The following CD58 variants were observed in gnomAD, a reference collection of about 807,000 sequenced individuals.
The protein encoded by CD58 is CD58 molecule.
CD58 carries 14 observed loss-of-function variants against 27.6 expected under a neutral mutation model. The ratio of observed to expected loss-of-function variants is 0.51; its 90% CI spans 0.34 to 0.79. The LOEUF (loss-of-function observed/expected upper bound fraction) is 0.79, where lower values mean the gene tolerates loss of function less well. Among genes scored for constraint, CD58 ranks in the 30% least tolerant of loss-of-function variants. The pLI is 0.02. For synonymous variants in CD58, 117 were observed against 103.8 expected (o/e 1.13, Z -0.77); for missense variants, 268 against 301.7 (o/e 0.89, Z 0.83).
At chr1:116,544,732 G>T in intron 1 of CD58, 128 bp from the exon 2 acceptor site, 1 of 645,768 alleles carries the variant, frequency 1.5e-6, no homozygotes. Context: ...GAACATGTTT[G>T]ACCATGTGGA....
intron 1 of CD58, among the ~76,000 whole-genome samples, chr1:116,548,473 T>C (rs1015119146): frequency 1.3e-5 from 2 of 152,242 alleles, no homozygotes; most frequent in African/African-American, 4.8e-5. Flanking sequence ...TTGATTTTTA[T>C]ATAAGGTGAA....
chr1:116,561,861 C>A (rs1658767882), intron 1 of CD58, among the ~76,000 whole-genome samples: 1 of 152,112 alleles, frequency 6.6e-6, no homozygotes, highest in Non-Finnish European at 1.5e-5. Flanking sequence ...ATCAGTGTGA[C>A]AATTAAATAA....
In CD58 at chr1:116,559,613, G is replaced by A. The variant is rs777251522; in HGVS notation, c.70+11290C>T. Among the ~76,000 whole-genome samples the A allele has an allele frequency of 1.3e-5, 2 of 152,086 alleles. No homozygotes were observed. The highest frequency in any genetic ancestry group is 2.4e-5 in the African/African-American group (1 of 41,402). ...CCCTCATCTACTTCATACTGAAACT[G>A]CAGCCACCTGTCTCCCAACGGTTAC... On this transcript the variant is annotated intron_variant, in intron 1 of 5. Coordinates refer to ENST00000369489, the MANE Select transcript of CD58 (RefSeq NM_001779.3). The surrounding 1 kb of genome is among the most constrained non-coding windows in gnomAD (Gnocchi z 4.4).
intron 1 of CD58, among the ~76,000 whole-genome samples, chr1:116,553,589 A>G (rs1658462618): frequency 6.6e-6 from 1 of 152,208 alleles, no homozygotes; most frequent in Non-Finnish European, 1.5e-5. Context: ...GAAAGGAAAC[A>G]CAGCAGGAAG....
chr1:116,543,144 G>A (rs1344980825), intron 2 of CD58, among the ~76,000 whole-genome samples: 2 of 152,180 alleles, frequency 1.3e-5, no homozygotes, highest in Non-Finnish European at 2.9e-5. Flanking sequence ...CTGGCCATGC[G>A]AGTATGACAA....
rs1389486176 is a variant in CD58 at position 116,515,061 on chromosome 1, G to T, written c.744-239C>A. 1.3e-5 allele frequency among the ~76,000 whole-genome samples: 2 copies of T among 152,168 alleles called. No individual in the cohort carries two copies. The highest frequency in any genetic ancestry group is 3.8e-4 in the East Asian group (2 of 5,202). On this transcript the variant is annotated intron_variant, in intron 5 of 5. Coordinates refer to ENST00000369489, the MANE Select transcript of CD58 (RefSeq NM_001779.3). The surrounding 1 kb of genome is among the most constrained non-coding windows in gnomAD (Gnocchi z 4.6). ...TGCTGCACTCAATAGCAGCCCCAAGGCTCCTCCCGCTTACTCTCTGAGTAT... is the reference window on the plus strand; with the variant it reads ...TGCTGCACTCAATAGCAGCCCCAAGTCTCCTCCCGCTTACTCTCTGAGTAT...
At chr1:116,564,596 T>C (rs1658870855) in intron 1 of CD58, among the ~76,000 whole-genome samples, 1 of 152,214 alleles carries the variant, frequency 6.6e-6, no homozygotes, top group African/African-American at 2.4e-5. Flanking sequence ...AGGCACATCT[T>C]ACATGGCAGT....
intron 1 of CD58, among the ~76,000 whole-genome samples, chr1:116,568,019 C>A (rs1435707005): frequency 6.8e-6 from 1 of 147,344 alleles, no homozygotes; most frequent in Non-Finnish European, 1.5e-5. Flanking sequence ...AAGCAACTAG[C>A]CCAGACACTT....
In CD58 at chr1:116,563,925, T is replaced by C. The variant is rs1477364165; in HGVS notation, c.70+6978A>G. 1.3e-5 allele frequency among the ~76,000 whole-genome samples: 2 copies of C among 152,232 alleles called. No homozygotes were observed. The highest frequency in any genetic ancestry group is 2.9e-5 in the Non-Finnish European group (2 of 68,036). On this transcript the variant is annotated intron_variant, in intron 1 of 5. Transcript: ENST00000369489. This position sits in a 1 kb window ranked among gnomAD's most constrained non-coding sequence, Gnocchi z 4.1. ...TGCAAATTTCTGCAGCTGGCTTGAATTTTTCCTCAGAAAAGGGGTTTTTCT... is the reference window on the plus strand; with the variant it reads ...TGCAAATTTCTGCAGCTGGCTTGAACTTTTCCTCAGAAAAGGGGTTTTTCT...
At chr1:116,553,908 G>A (rs745574589) in intron 1 of CD58, among the ~76,000 whole-genome samples, 45 of 152,266 alleles carry the variant, frequency 3.0e-4, no homozygotes, top group Middle Eastern at 6.8e-3. Flanking sequence ...AGGCCAGGAG[G>A]GGGATGGCAT....
At chr1:116,533,055 C>A in intron 3 of CD58, 1 of 729,852 alleles carries the variant, frequency 1.4e-6, no homozygotes, top group Middle Eastern at 2.4e-4. Flanking sequence ...TCACCTTCGT[C>A]AAAATTGTCA....
chr1:116,549,485 T>G (rs757762295), intron 1 of CD58, among the ~76,000 whole-genome samples: 1 of 152,162 alleles, frequency 6.6e-6, no homozygotes, highest in Non-Finnish European at 1.5e-5. Context: ...AGCCAGCCCT[T>G]GCAAGGCATC....
chr1:116,524,676 G>T lies in CD58; in HGVS notation c.629-2693C>A, dbSNP rs916165809. Among the ~76,000 whole-genome samples, 1 of 152,188 alleles carries T rather than the reference G, an allele frequency of 6.6e-6. No individual in the cohort carries two copies. Among genetic ancestry groups the T allele is most frequent in the Non-Finnish European group, 1.5e-5 (1 of 68,032 alleles). Reference sequence around the variant, plus strand: ...ATAACAACAATATAAATATTCATTTGCATTTTCCTGCAATACATACTCAAC... The same window carrying T: ...ATAACAACAATATAAATATTCATTTTCATTTTCCTGCAATACATACTCAAC... On this transcript the variant is annotated intron_variant, in intron 3 of 5. Coordinates refer to ENST00000369489, the MANE Select transcript of CD58 (RefSeq NM_001779.3). This position sits in a 1 kb window ranked among gnomAD's most constrained non-coding sequence, Gnocchi z 4.6.
At chr1:116,533,261 A>G (rs1055870606) in intron 3 of CD58, 11 of 1,019,456 alleles carry the variant, frequency 1.1e-5, no homozygotes, top group Non-Finnish European at 1.5e-5. Context: ...TTGTTCTAAC[A>G]GTGCCTGGAC....
intron 2 of CD58, among the ~76,000 whole-genome samples, chr1:116,537,659 C>A (rs1557837053): frequency 6.6e-6 from 1 of 152,238 alleles, no homozygotes; most frequent in Non-Finnish European, 1.5e-5. Context: ...AAGACACTAA[C>A]ATGTCACATT....
Position 116,522,361 on chromosome 1 carries a change from G to A in CD58, c.629-378C>T, listed in dbSNP as rs1196229444. On this transcript the variant is annotated intron_variant, in intron 3 of 5. Coordinates refer to ENST00000369489, the MANE Select transcript of CD58 (RefSeq NM_001779.3). This position sits in a 1 kb window ranked among gnomAD's most constrained non-coding sequence, Gnocchi z 4.6. ...GAAGGGCTGACAAGAGTTCCTAAGT[G>A]CAAGAAGGCTGCGATGTGCCTTGCA... Among the ~76,000 whole-genome samples the A allele has an allele frequency of 6.6e-6, 1 of 152,184 alleles. No individual in the cohort carries two copies. The highest frequency in any genetic ancestry group is 6.5e-5 in the Admixed American group (1 of 15,282).
rs1367574097 is a variant in CD58 at position 116,534,709 on chromosome 1, C to CAGT, written c.628+1255_628+1256insACT. Among the ~76,000 whole-genome samples the CAGT allele has an allele frequency of 1.3e-5, 2 of 152,234 alleles. No individual in the cohort carries two copies. The highest frequency in any genetic ancestry group is 4.8e-5 in the African/African-American group (2 of 41,454). ...TTTTCTTGAAAAATGTCTTTCCTTTCCCAAAAGTGACTCTGCTTTGTCTGA... is the reference window on the plus strand; with the variant it reads ...TTTTCTTGAAAAATGTCTTTCCTTTCAGTCCAAAAGTGACTCTGCTTTGTCTGA... On this transcript the variant is annotated intron_variant, in intron 3 of 5. Coordinates refer to ENST00000369489, the MANE Select transcript of CD58 (RefSeq NM_001779.3). The surrounding 1 kb of genome is among the most constrained non-coding windows in gnomAD (Gnocchi z 5.3).
intron 3 of CD58, among the ~76,000 whole-genome samples, chr1:116,535,119 A>G (rs1376313594): frequency 6.6e-6 from 1 of 152,396 alleles, no homozygotes; most frequent in East Asian, 1.9e-4. Flanking sequence ...TGTAAATAAT[A>G]CTAAAACAAC....
In CD58 at chr1:116,532,881, C is replaced by G; in HGVS notation, c.628+3084G>C. The stretch of plus-strand genomic sequence containing the variant: ...CGCATGCGGCAAAGACTGAGGCCTC[C>G]CGCTACAGGCCCGGAGTCGCGACAG... On this transcript the variant is annotated intron_variant, in intron 3 of 5. Transcript: ENST00000369489. The surrounding 1 kb of genome is among the most constrained non-coding windows in gnomAD (Gnocchi z 5.1). The G allele has an allele frequency of 1.4e-6, 1 of 732,158 alleles. No individual in the cohort carries two copies. The highest frequency in any genetic ancestry group is 1.5e-5 in the South Asian group (1 of 66,528). The allele number at this position is 732,158 out of a possible 1,614,324, so 45.4% of individuals were successfully genotyped here.
Sources: allele counts gnomAD v4.1 joint callset (sites outside exome capture counted in the v4.1 genomes callset), GRCh38; gene constraint gnomAD v4.1.1; non-coding constraint Gnocchi (gnomAD v3.1); transcripts MANE v1.5; gene names NCBI Gene and HGNC (gene_info 2026-07-23, HGNC 2026-07-21).